BANP: variants seen among roughly 807,000 people sequenced by gnomAD.
BANP encodes protein BANP.
BANP carries 11 observed loss-of-function variants against 68.1 expected under a neutral mutation model. That is an observed-to-expected ratio of 0.16 (90% CI 0.10 to 0.27). The LOEUF is 0.27. Ranked by LOEUF, BANP falls within the 10% of genes least tolerant of loss-of-function variation. BANP has a pLI of 1.00. For missense variants in BANP, 504 were observed against 722.7 expected (o/e 0.70, Z 3.47); for synonymous variants, 329 against 303.2 (o/e 1.09, Z -0.88).
chr16:88,030,459 G>T (rs1224624062), intron 8 of BANP, among the ~76,000 whole-genome samples: 2 of 152,238 alleles, frequency 1.3e-5, no homozygotes, highest in African/African-American at 2.4e-5. Context: ...CGTGCATTTG[G>T]TAAGGTTAGC....
chr16:87,961,410 C>CCCCA (rs1555533449), intron 1 of BANP, among the ~76,000 whole-genome samples: 2 of 140,536 alleles, frequency 1.4e-5, no homozygotes, highest in Middle Eastern at 3.5e-3. Flanking sequence ...AGAATCTGCA[C>CCCCA]CCCCCCGGGC....
chr16:88,060,747 T>A (rs2086520394), intron 11 of BANP, among the ~76,000 whole-genome samples: 1 of 152,064 alleles, frequency 6.6e-6, no homozygotes, highest in Non-Finnish European at 1.5e-5. Context: ...CTCCCCGACC[T>A]GCCCTTCTCC....
At chr16:87,955,715 G>A (rs913512156) in intron 1 of BANP, among the ~76,000 whole-genome samples, 4 of 152,076 alleles carry the variant, frequency 2.6e-5, no homozygotes, top group African/African-American at 4.8e-5. Context: ...GTAGCCTCTC[G>A]GTGGAAAAAC....
chr16:88,031,819 C>A (rs919485749), intron 8 of BANP, among the ~76,000 whole-genome samples: 2 of 150,850 alleles, frequency 1.3e-5, no homozygotes, highest in Admixed American at 6.6e-5. Flanking sequence ...TGCCCCTCCC[C>A]GTCCCTTCCC....
intron 4 of BANP, among the ~76,000 whole-genome samples, chr16:87,998,571 CGCGGCTGG>C (rs2067955901): frequency 2.2e-5 from 2 of 92,642 alleles, no homozygotes; most frequent in Non-Finnish European, 5.5e-5. Flanking sequence ...CACGCACGTG[CGCGGCTGG>C]ACTCACCTGT....
At chr16:87,981,430 C>A (rs976019582) in intron 3 of BANP, among the ~76,000 whole-genome samples, 2 of 152,204 alleles carry the variant, frequency 1.3e-5, no homozygotes, top group Non-Finnish European at 2.9e-5. Flanking sequence ...CCCCTTCTCT[C>A]CTCTAGTAAG....
intron 1 of BANP, among the ~76,000 whole-genome samples, chr16:87,972,411 T>C (rs2061289845): frequency 6.6e-6 from 1 of 151,810 alleles, no homozygotes; most frequent in Non-Finnish European, 1.5e-5. Context: ...TTTTGAATTA[T>C]CAGGGTATAG....
chr16:88,017,939 G>C (rs2074971249), intron 6 of BANP, among the ~76,000 whole-genome samples: 1 of 152,148 alleles, frequency 6.6e-6, no homozygotes, highest in South Asian at 2.1e-4. Context: ...TTGTGTGCAC[G>C]GGGGCGACGC....
chr16:88,074,434 A>AG (rs895150744), intron 13 of BANP, among the ~76,000 whole-genome samples: 7 of 151,346 alleles, frequency 4.6e-5, no homozygotes, highest in East Asian at 2.0e-4. Context: ...TTGGGAGGGT[A>AG]GGGGGGTGCC....
At chr16:88,005,054 T>C (rs1339382053) in intron 5 of BANP, among the ~76,000 whole-genome samples, 1 of 152,218 alleles carries the variant, frequency 6.6e-6, no homozygotes, top group Non-Finnish European at 1.5e-5. Flanking sequence ...ATTTGCTTTT[T>C]CTCTCAGTCT....
chr16:87,963,865 G>A lies in BANP; in HGVS notation c.-68-11183G>A, dbSNP rs142593471. 2.6e-3 allele frequency among the ~76,000 whole-genome samples: 392 copies of A among 152,336 alleles called. 2 individuals carry two copies. Among genetic ancestry groups the A allele is most frequent in the African/African-American group, 7.8e-3 (326 of 41,576 alleles). ...TTTGACTGTTAAAGCCAAGTTTTCT[G>A]CCCAGTTACAGTGGGTTTCCTTTTA... On this transcript the variant is annotated intron_variant, in intron 1 of 13. Transcript: ENST00000682872.
Position 88,064,185 on chromosome 16 carries a change from G to A in BANP, c.1312-1082G>A, listed in dbSNP as rs2087756879. On this transcript the variant is annotated intron_variant, in intron 11 of 13. Transcript: ENST00000682872. This position sits in a 1 kb window ranked among gnomAD's most constrained non-coding sequence, Gnocchi z 4.5. Reference sequence around the variant, plus strand: ...CGAGGCTGGGGCAGGAGGTGTCGGGGGCTTGAGAGGCGCAGGGGAGCAGGG... The same window carrying A: ...CGAGGCTGGGGCAGGAGGTGTCGGGAGCTTGAGAGGCGCAGGGGAGCAGGG... Among the ~76,000 whole-genome samples, 1 of 151,636 alleles carries A rather than the reference G, an allele frequency of 6.6e-6. No individual in the cohort carries two copies.
At chr16:87,973,753 C>CAAAAAAAAAAAAAAAA (rs58334556) in intron 1 of BANP, among the ~76,000 whole-genome samples, 1 of 99,486 alleles carries the variant, frequency 1.0e-5, no homozygotes, top group Admixed American at 1.0e-4. Context: ...AACTCCATCA[C>CAAAAAAAAAAAAAAAA]AAAAAAAAAA....
At chr16:88,042,326 C>T (rs2081028523) in intron 11 of BANP, among the ~76,000 whole-genome samples, 2 of 152,334 alleles carry the variant, frequency 1.3e-5, no homozygotes, top group South Asian at 4.1e-4. Flanking sequence ...TGTGGGGACG[C>T]ACTGGCTGCA....
intron 1 of BANP, among the ~76,000 whole-genome samples, chr16:87,968,585 T>C (rs1237385623): frequency 6.6e-6 from 1 of 152,198 alleles, no homozygotes; most frequent in African/African-American, 2.4e-5. Context: ...GTAGCTTTGA[T>C]CTTCAAGCTG....
chr16:88,065,218 G>A (rs1260677342), intron 11 of BANP, 49 bp from the exon 12 acceptor site: 4 of 689,486 alleles, frequency 5.8e-6, no homozygotes, highest in South Asian at 4.7e-5. Flanking sequence ...AGGCAGGGTT[G>A]GTCCTTCTGG....
At chr16:88,044,748 C>G (rs578185004) in intron 11 of BANP, among the ~76,000 whole-genome samples, 13 of 152,330 alleles carry the variant, frequency 8.5e-5, no homozygotes, top group African/African-American at 2.9e-4. Context: ...CTTTGGGAGG[C>G]CGAGGCAGGT....
chr16:88,049,369 G>A (rs1164944575), intron 11 of BANP, among the ~76,000 whole-genome samples: 1 of 152,218 alleles, frequency 6.6e-6, no homozygotes, highest in Non-Finnish European at 1.5e-5. Context: ...CGAGGTACGG[G>A]GGAAGGGGCA....
chr16:88,003,606 G>A lies in BANP; in HGVS notation c.363-689G>A. The A allele has an allele frequency of 4.4e-6, 2 of 452,382 alleles. No homozygotes were observed. The highest frequency in any genetic ancestry group is 8.9e-6 in the Non-Finnish European group (2 of 224,416). 28.0% of individuals were successfully genotyped at this position (452,382 alleles called of 1,614,324 possible). ...GATGAAGCTGTGTTAGCTGCCGCCT[G>A]TCTGAACACACTCGTGCTTCCTCCA... On this transcript the variant is annotated intron_variant, in intron 4 of 13. Transcript: ENST00000682872. The surrounding 1 kb of genome is among the most constrained non-coding windows in gnomAD (Gnocchi z 6.1).
Sources: gnomAD v4.1 joint callset for allele counts (sites outside exome capture counted in the v4.1 genomes callset) on GRCh38, gnomAD v4.1.1 for gene constraint, Gnocchi (gnomAD v3.1) non-coding constraint, MANE v1.5 for transcripts, NCBI Gene and HGNC (gene_info 2026-07-23, HGNC 2026-07-21) for gene names.